The following BMP2K variants were observed in gnomAD, a reference collection of about 807,000 sequenced individuals.
The protein encoded by BMP2K is BMP2 inducible kinase.
In BMP2K, 74 loss-of-function variants were observed where a neutral mutation model predicts 116.0. The observed-to-expected ratio is 0.64, with a 90% CI of 0.53 to 0.77. BMP2K has a LOEUF of 0.77. BMP2K is among the 30% of genes least tolerant of loss of function. The pLI is 0.00. For missense variants in BMP2K, 1,365 were observed against 1,403.6 expected (o/e 0.97, Z 0.44); for synonymous variants, 486 against 502.5 (o/e 0.97, Z 0.44).
chr4:78,842,432 A>G lies in BMP2K; in HGVS notation c.451A>G (p.Thr151Ala). ...QMNKKLQTGF[T>A]EPEVLQIFCD... ...GAATAAGAAGCTACAGACGGGTTTT[A>G]CAGAACCAGAAGTGTTACAGATATT... Residue 151 changes from threonine to alanine, a missense_variant, in exon 4 of 16, where the codon ACA becomes GCA. Transcript: ENST00000502613. The G allele has an allele frequency of 6.2e-7, 1 of 1,607,768 alleles. No homozygotes were observed. Among genetic ancestry groups the G allele is most frequent in the Non-Finnish European group, 8.5e-7 (1 of 1,175,540 alleles).
intron 1 of BMP2K, among the ~76,000 whole-genome samples, chr4:78,799,092 C>T (rs894294290): frequency 6.6e-6 from 1 of 152,114 alleles, no homozygotes; most frequent in African/African-American, 2.4e-5. Flanking sequence ...GGCAACAGTG[C>T]CGTTCTAATT....
chr4:78,842,135 C>T (rs1025524809), intron 3 of BMP2K, among the ~76,000 whole-genome samples: 2 of 151,788 alleles, frequency 1.3e-5, no homozygotes, highest in Admixed American at 6.6e-5. Context: ...TGATCTCAGA[C>T]GTGTTAAAGA....
At chr4:78,792,259 G>C (rs1479150377) in intron 1 of BMP2K, among the ~76,000 whole-genome samples, 2 of 152,196 alleles carry the variant, frequency 1.3e-5, no homozygotes, top group Non-Finnish European at 2.9e-5. Context: ...ATCTTTTCAT[G>C]TGTTTATTGG....
At chr4:78,857,161 T>C (rs892641628) in intron 7 of BMP2K, among the ~76,000 whole-genome samples, 3 of 152,110 alleles carry the variant, frequency 2.0e-5, no homozygotes, top group Admixed American at 6.6e-5. Context: ...ATTGCTTACA[T>C]TTACCATATT....
chr4:78,814,782 A>G (rs539031717), intron 1 of BMP2K, among the ~76,000 whole-genome samples: 13 of 152,030 alleles, frequency 8.6e-5, no homozygotes, highest in Non-Finnish European at 1.0e-4. Flanking sequence ...AAAAAATTAT[A>G]TATTACAGAT....
intron 9 of BMP2K, among the ~76,000 whole-genome samples, chr4:78,864,557 C>A (rs1484652824): frequency 7.1e-6 from 1 of 140,476 alleles, no homozygotes; most frequent in African/African-American, 3.1e-5. Flanking sequence ...TTCAGTGTCA[C>A]GTTTTTTTTT....
At chr4:78,867,448 G>A (rs750128491) in intron 10 of BMP2K, among the ~76,000 whole-genome samples, 3 of 152,106 alleles carry the variant, frequency 2.0e-5, no homozygotes, top group Non-Finnish European at 4.4e-5. Context: ...TGATTGCCAG[G>A]CCTAATCCTG....
chr4:78,776,397 T>C lies in BMP2K; in HGVS notation c.-147T>C, dbSNP rs989784087. The C allele has an allele frequency of 7.6e-6, 6 of 793,278 alleles. No individual in the cohort carries two copies. Among genetic ancestry groups the C allele is most frequent in the African/African-American group, 7.5e-5 (4 of 53,604 alleles). The allele number at this position is 793,278 out of a possible 1,614,324, so 49.1% of individuals were successfully genotyped here. On this transcript the variant is annotated 5_prime_UTR_variant, in exon 1 of 16. Coordinates refer to ENST00000502613, the MANE Select transcript of BMP2K (RefSeq NM_198892.2). ...GGGCGGCGGGGCCCAGGCTGTGCGCTTGGGGAGCGCGGAATGTGAGGCTTG... is the reference window on the plus strand; with the variant it reads ...GGGCGGCGGGGCCCAGGCTGTGCGCCTGGGGAGCGCGGAATGTGAGGCTTG...
rs1730337898 is a variant in BMP2K at position 78,834,057 on chromosome 4, A to C, written c.403+370A>C. On this transcript the variant is annotated intron_variant, in intron 3 of 15. Coordinates refer to ENST00000502613, the MANE Select transcript of BMP2K (RefSeq NM_198892.2). ...CCAGAACTCTACTACGTTATTGTAA[A>C]CATTAAATTTAACAAATTTGGAGGA... 3.3e-5 allele frequency among the ~76,000 whole-genome samples: 5 copies of C among 152,120 alleles called. No individual in the cohort carries two copies. In the South Asian group the frequency reaches 1.0e-3, roughly 32 times the overall value.
At chr4:78,791,145 CAAAT>C (rs1249223357) in intron 1 of BMP2K, among the ~76,000 whole-genome samples, 1 of 152,138 alleles carries the variant, frequency 6.6e-6, no homozygotes, top group Non-Finnish European at 1.5e-5. Context: ...AGACAAAACA[CAAAT>C]AAAACTTTTG....
chr4:78,814,875 A>G (rs1216747431), intron 1 of BMP2K, among the ~76,000 whole-genome samples: 1 of 152,178 alleles, frequency 6.6e-6, no homozygotes, highest in Non-Finnish European at 1.5e-5. Context: ...TTATATTCAC[A>G]TCTAGAGACT....
In BMP2K at chr4:78,844,927, G is replaced by A; in HGVS notation, c.547-1G>A. 1 of 1,591,812 alleles carries A rather than the reference G, an allele frequency of 6.3e-7. No homozygotes were observed. The highest frequency in any genetic ancestry group is 8.6e-7 in the Non-Finnish European group (1 of 1,163,648). On this transcript the variant is annotated splice_acceptor_variant, in intron 4 of 15. Transcript: ENST00000502613. LOFTEE classifies it high-confidence loss of function. Reference sequence around the variant, plus strand: ...CTCATTATTGATTTTCTTTTCTTAAGGTAGAAAATATTTTGTTGAATGATG... The same window carrying A: ...CTCATTATTGATTTTCTTTTCTTAAAGTAGAAAATATTTTGTTGAATGATG...
intron 7 of BMP2K, among the ~76,000 whole-genome samples, chr4:78,856,368 T>C (rs536844900): frequency 3.9e-5 from 6 of 152,116 alleles, no homozygotes; most frequent in African/African-American, 1.4e-4. Context: ...CTTGAATCAG[T>C]GTTTAGCTGT....
chr4:78,907,631 G>T (rs1323297645), intron 15 of BMP2K, among the ~76,000 whole-genome samples: 1 of 152,136 alleles, frequency 6.6e-6, no homozygotes, highest in Non-Finnish European at 1.5e-5. Context: ...AAATCCTAGG[G>T]TTCATAAAAT....
At chr4:78,855,444 G>C (rs1280275156) in intron 7 of BMP2K, among the ~76,000 whole-genome samples, 1 of 152,272 alleles carries the variant, frequency 6.6e-6, no homozygotes, top group Middle Eastern at 3.4e-3. Context: ...TTGTTGAGCT[G>C]TTAGATTAGA....
rs200441916 is a variant in BMP2K, at chr4:78,871,012, C to T, written c.1461C>T (p.His487=). The T allele has an allele frequency of 1.3e-6, 2 of 1,493,196 alleles. No individual in the cohort carries two copies. Among genetic ancestry groups the T allele is most frequent in the East Asian group, 2.4e-5 (1 of 41,846 alleles). 92.5% of individuals were successfully genotyped at this position (1,493,196 alleles called of 1,614,324 possible). The change falls in exon 11 of 16, where the codon CAC becomes CAT. Residue 487 remains histidine (H), a synonymous_variant. Coordinates refer to ENST00000502613, the MANE Select transcript of BMP2K (RefSeq NM_198892.2). ...QQQQQQQQQQ[H]HHHHHHHLLQ... ...AGCAGCAGCAGCAGCAGCAGCAGCACCACCACCACCACCACCACCACCTAC... is the reference window on the plus strand; with the variant it reads ...AGCAGCAGCAGCAGCAGCAGCAGCATCACCACCACCACCACCACCACCTAC...
chr4:78,838,722 A>T (rs529894667), intron 3 of BMP2K, among the ~76,000 whole-genome samples: 6 of 152,204 alleles, frequency 3.9e-5, no homozygotes, highest in African/African-American at 1.2e-4. Context: ...TGTAGGGATA[A>T]AACTGTACAG....
At chr4:78,851,802 A>C (rs1180536193) in intron 7 of BMP2K, among the ~76,000 whole-genome samples, 1 of 152,074 alleles carries the variant, frequency 6.6e-6, no homozygotes, top group Non-Finnish European at 1.5e-5. Flanking sequence ...ATAAGTGTGA[A>C]ATTATTTATA....
At chr4:78,814,564 C>A (rs1210291372) in intron 1 of BMP2K, among the ~76,000 whole-genome samples, 1 of 151,264 alleles carries the variant, frequency 6.6e-6, no homozygotes, top group East Asian at 1.9e-4. Context: ...AGGGGCTTTT[C>A]CCCCTTTTGC....
Sources: gnomAD v4.1 joint callset for allele counts (sites outside exome capture counted in the v4.1 genomes callset) on GRCh38, gnomAD v4.1.1 for gene constraint, MANE v1.5 for transcripts, NCBI Gene and HGNC (gene_info 2026-07-23, HGNC 2026-07-21) for gene names.